Variants in BICRA observed in about 807,000 individuals in gnomAD.
BICRA encodes BRD4 interacting chromatin remodeling complex associated protein, also known as BRD4-interacting chromatin-remodeling complex-associated protein.
Under a neutral mutation model 96.9 loss-of-function variants are expected in BICRA, and 31 were observed. The observed-to-expected ratio is 0.32, with a 90% confidence interval of 0.24 to 0.43. The LOEUF is 0.43. BICRA is among the 20% of genes least tolerant of loss of function. The pLI is 1.00. For missense variants in BICRA, 2,283 were observed against 2,190.3 expected, an observed-to-expected ratio of 1.04 and a Z score of -0.84; for synonymous variants, 1,350 against 1,071.8, an observed-to-expected ratio of 1.26 and a Z score of -5.07.
chr19:47,658,631 CAAAAAAAA>C (rs3074083), intron 1 of BICRA, among the ~76,000 whole-genome samples: 28 of 97,432 alleles, frequency 2.9e-4, no homozygotes, highest in South Asian at 7.1e-4. Flanking sequence ...GACTTCGTCT[CAAAAAAAA>C]AAAAAAAAAA....
At chr19:47,625,095 G>A (rs1269540346) in intron 1 of BICRA, among the ~76,000 whole-genome samples, 2 of 148,234 alleles carry the variant, frequency 1.3e-5, no homozygotes, top group African/African-American at 5.0e-5. Flanking sequence ...CACCTCCTGG[G>A]TTCAAGTAGT....
In BICRA at chr19:47,698,954, C is replaced by T. The variant is rs1336122752; in HGVS notation, c.3398-11C>T. On this transcript the variant is annotated splice_polypyrimidine_tract_variant and intron_variant, in intron 12 of 14. Transcript: ENST00000594866. The surrounding 1 kb of genome is among the most constrained non-coding windows in gnomAD (Gnocchi z 4.8). ...ACATCTCCGCCCTTGCCTCTCTTCC[C>T]TTCCTCGCAGTGGACGAGGAGTTTG... The T allele has an allele frequency of 4.5e-6, 7 of 1,560,968 alleles. No individual in the cohort carries two copies. Among genetic ancestry groups the T allele is most frequent in the South Asian group, 2.3e-5 (2 of 85,406 alleles).
At chr19:47,644,037 G>A (rs544994733) in intron 1 of BICRA, among the ~76,000 whole-genome samples, 1 of 152,152 alleles carries the variant, frequency 6.6e-6, no homozygotes, top group Admixed American at 6.5e-5. Context: ...TTTATTTTTT[G>A]AGACAGAGTC....
At chr19:47,681,883 C>T (rs1238355006) in intron 6 of BICRA, 93 bp from the exon 7 acceptor site, 12 of 891,380 alleles carry the variant, frequency 1.3e-5, no homozygotes, top group South Asian at 3.4e-5. Flanking sequence ...TCTCTGGAAC[C>T]CTGGGAGCGT....
intron 1 of BICRA, among the ~76,000 whole-genome samples, chr19:47,631,824 T>C (rs1599795609): frequency 6.6e-6 from 1 of 152,116 alleles, no homozygotes; most frequent in Admixed American, 6.5e-5. Context: ...AATTTTTGTA[T>C]GCTTAGTAGA....
intron 1 of BICRA, among the ~76,000 whole-genome samples, chr19:47,642,311 A>G (rs1972396303): frequency 6.6e-6 from 1 of 152,188 alleles, no homozygotes; most frequent in Admixed American, 6.6e-5. Flanking sequence ...ACATGCCTGT[A>G]CGAGTCTTTG....
At chr19:47,652,634 A>G (rs1233542710) in intron 1 of BICRA, among the ~76,000 whole-genome samples, 1 of 152,226 alleles carries the variant, frequency 6.6e-6, no homozygotes, top group African/African-American at 2.4e-5. Flanking sequence ...ATTCGGCTGC[A>G]AGTAACAGTT....
intron 1 of BICRA, among the ~76,000 whole-genome samples, chr19:47,635,266 G>A (rs79066183): frequency 3.9e-5 from 3 of 76,840 alleles, no homozygotes; most frequent in African/African-American, 1.4e-4. Context: ...TTTTTTTTTT[G>A]AGACCGGGTC....
chr19:47,679,280 C>A, intron 5 of BICRA, 41 bp from the exon 6 acceptor site: 1 of 1,399,682 alleles, frequency 7.1e-7, no homozygotes, highest in Non-Finnish European at 9.3e-7. Context: ...TAGCCCCTTG[C>A]TAACCTCAGC....
intron 1 of BICRA, among the ~76,000 whole-genome samples, chr19:47,641,070 ATTTTTTT>A (rs71180861): frequency 0.011 from 1,103 of 104,542 alleles, 16 homozygotes; most frequent in African/African-American, 0.038. Flanking sequence ...TGCCTGGCTA[ATTTTTTT>A]TTTTTTTTTT....
At chr19:47,669,934 G>A (rs568897703) in intron 1 of BICRA, among the ~76,000 whole-genome samples, 1 of 149,654 alleles carries the variant, frequency 6.7e-6, no homozygotes, top group East Asian at 2.0e-4. Flanking sequence ...GGGATTACAG[G>A]GGTGAGCCAC....
chr19:47,687,133 A>G (rs2123597702), intron 7 of BICRA, among the ~76,000 whole-genome samples: 1 of 152,284 alleles, frequency 6.6e-6, no homozygotes, highest in South Asian at 2.1e-4. Flanking sequence ...ACTTTCTATA[A>G]AGAGGCAATA....
In BICRA at chr19:47,678,750, A is replaced by C. The variant is rs181129723; in HGVS notation, c.151-571A>C. On this transcript the variant is annotated intron_variant, in intron 5 of 14. Coordinates refer to ENST00000594866, the MANE Select transcript of BICRA (RefSeq NM_001394372.1). ...CTTGAACAGTAGTTTTTTTTATTACATTTTACTGATGGGTACAGATGAAGA... is the reference window on the plus strand; with the variant it reads ...CTTGAACAGTAGTTTTTTTTATTACCTTTTACTGATGGGTACAGATGAAGA... Among the ~76,000 whole-genome samples the C allele has an allele frequency of 2.3e-3, 350 of 151,048 alleles. 2 individuals are homozygous for C. The highest frequency in any genetic ancestry group is 8.2e-3 in the African/African-American group (339 of 41,094).
At position 47,680,147 on chromosome 19, in the gene BICRA, C is replaced by T. The variant is rs756860378; in HGVS notation, c.977C>T (p.Ala326Val). The T allele has an allele frequency of 1.0e-5, 16 of 1,524,864 alleles. No homozygotes were observed. The highest frequency in any genetic ancestry group is 2.5e-5 in the East Asian group (1 of 40,268). 94.5% of individuals were successfully genotyped at this position (1,524,864 alleles called of 1,614,324 possible). A position where few individuals can be genotyped will look rare whatever the true frequency, so the allele number is the denominator to read the frequency against. Reference protein sequence around the residue: ...PTGTPSGQPLAVAPGLGSSPL... With the variant: ...PTGTPSGQPLVVAPGLGSSPL... ...GGGACGCCCTCGGGACAGCCGCTGG[C>T]GGTGGCCCCAGGCCTCGGCTCGTCG... is the stretch of plus-strand genomic sequence containing the variant. Residue 326 changes from alanine to valine, a missense_variant, in exon 6 of 15, where the codon GCG becomes GTG. Transcript: ENST00000594866.
chr19:47,638,816 G>A (rs1000261970), intron 1 of BICRA, among the ~76,000 whole-genome samples: 2 of 151,812 alleles, frequency 1.3e-5, no homozygotes, highest in Non-Finnish European at 2.9e-5. Flanking sequence ...CACCATGCCC[G>A]GCTAGTATTT....
Position 47,657,786 on chromosome 19 carries a change from G to A in BICRA, c.-107-12657G>A, listed in dbSNP as rs116970108. On this transcript the variant is annotated intron_variant, in intron 1 of 14. Transcript: ENST00000594866. ...TGGCGTGACATTGTTGGGTCATAGAGTTGGTATATATTTAACTTTACTTAA... is the reference window on the plus strand; with the variant it reads ...TGGCGTGACATTGTTGGGTCATAGAATTGGTATATATTTAACTTTACTTAA... Among the ~76,000 whole-genome samples the A allele has an allele frequency of 6.0e-4, 92 of 152,250 alleles. No homozygotes were observed. In the East Asian group the frequency reaches 0.016, roughly 27 times the overall value.
chr19:47,644,283 C>A (rs1972425536), intron 1 of BICRA, among the ~76,000 whole-genome samples: 2 of 152,072 alleles, frequency 1.3e-5, no homozygotes, highest in African/African-American at 4.8e-5. Flanking sequence ...CCTCAGGCTC[C>A]CACGGTGTTG....
Position 47,698,960 on chromosome 19 carries a change from C to T in BICRA, c.3398-5C>T, listed in dbSNP as rs1424386954. On this transcript the variant is annotated splice_polypyrimidine_tract_variant and splice_region_variant and intron_variant, in intron 12 of 14. Transcript: ENST00000594866. This position sits in a 1 kb window ranked among gnomAD's most constrained non-coding sequence, Gnocchi z 4.8. ...CCGCCCTTGCCTCTCTTCCCTTCCT[C>T]GCAGTGGACGAGGAGTTTGAGACGG... 2 of 1,571,884 alleles carry T rather than the reference C, an allele frequency of 1.3e-6. No homozygotes were observed. The highest frequency in any genetic ancestry group is 1.7e-6 in the Non-Finnish European group (2 of 1,157,608).
Position 47,681,295 on chromosome 19 carries a change from G to A in BICRA, c.2106+19G>A. 6.5e-7 allele frequency: 1 copy of A among 1,540,904 alleles called. No homozygotes were observed. The highest frequency in any genetic ancestry group is 2.4e-5 in the East Asian group (1 of 41,852). ...GCCCCAGGTAAGCAGGGCGGGGCAA[G>A]GGAGCAGGTACCGGAGGAGGCGGGT... On this transcript the variant is annotated intron_variant, in intron 6 of 14. Coordinates refer to ENST00000594866, the MANE Select transcript of BICRA (RefSeq NM_001394372.1).
Sources: gnomAD v4.1 joint callset for allele counts (sites outside exome capture counted in the v4.1 genomes callset) on GRCh38, gnomAD v4.1.1 for gene constraint, Gnocchi (gnomAD v3.1) non-coding constraint, MANE v1.5 for transcripts, NCBI Gene and HGNC (gene_info 2026-07-23, HGNC 2026-07-21) for gene names.